GALNS: variants seen among roughly 807,000 people sequenced by gnomAD.
GALNS encodes N-acetylgalactosamine-6-sulfatase.
In GALNS, 65 loss-of-function variants were observed where a neutral mutation model predicts 65.9. That is an observed-to-expected ratio of 0.99 (90% CI 0.81 to 1.21). The LOEUF is 1.21. Among genes scored for constraint, GALNS ranks in the 50% most tolerant of loss-of-function variants. The pLI is 0.00. For missense variants in GALNS, 776 were observed against 700.7 expected, an observed-to-expected ratio of 1.11 and a Z score of -1.21; for synonymous variants, 346 against 288.9, an observed-to-expected ratio of 1.20 and a Z score of -2.00.
intron 1 of GALNS, among the ~76,000 whole-genome samples, chr16:88,853,834 C>T (rs765209756): frequency 6.6e-6 from 1 of 152,154 alleles, no homozygotes; most frequent in Non-Finnish European, 1.5e-5. Flanking sequence ...CCTTGCCCGG[C>T]TCAGCTCCCC....
intron 1 of GALNS, among the ~76,000 whole-genome samples, chr16:88,846,083 C>G: frequency 6.6e-6 from 1 of 152,164 alleles, no homozygotes; most frequent in East Asian, 1.9e-4. Context: ...CCCATTATGC[C>G]AATTTAAAAT....
chr16:88,850,814 C>T (rs192721530), intron 1 of GALNS, among the ~76,000 whole-genome samples: 13 of 152,364 alleles, frequency 8.5e-5, no homozygotes, highest in Non-Finnish European at 1.2e-4. Flanking sequence ...GCAGTGCGGC[C>T]GCCTCTGCCT....
At chr16:88,833,075 CTCAA>C (rs1911681752) in intron 8 of GALNS, among the ~76,000 whole-genome samples, 1 of 80,930 alleles carries the variant, frequency 1.2e-5, no homozygotes, top group East Asian at 4.9e-4. Context: ...GAGACTCCTT[CTCAA>C]AAAAAAAAAA....
chr16:88,828,801 T>C (rs776831084), intron 9 of GALNS, among the ~76,000 whole-genome samples: 49 of 152,196 alleles, frequency 3.2e-4, no homozygotes, highest in Non-Finnish European at 6.0e-4. Flanking sequence ...CGGGCGGCGC[T>C]GGGGTGGCTC....
Position 88,835,787 on chromosome 16 carries a change from G to A in GALNS, c.696C>T (p.Val232=), listed in dbSNP as rs763342919. 4.6e-5 allele frequency: 75 copies of A among 1,613,988 alleles called. No individual in the cohort carries two copies. Among genetic ancestry groups the A allele is most frequent in the Non-Finnish European group, 5.7e-5 (67 of 1,180,022 alleles). ...RHHPFFLYWA[V]DATHAPVYAS... is the part of the protein sequence containing the mutation. ...CATAGACGGGTGCGTGCGTGGCGTC[G>A]ACAGCCCAGTAGAGGAAAAAGGGGT... is the stretch of plus-strand genomic sequence containing the variant. The change falls in exon 7 of 14, where the codon GTC becomes GTT. Residue 232 remains valine, a synonymous_variant. Transcript: ENST00000268695.
At chr16:88,851,806 A>C (rs1967521180) in intron 1 of GALNS, among the ~76,000 whole-genome samples, 1 of 152,172 alleles carries the variant, frequency 6.6e-6, no homozygotes, top group Non-Finnish European at 1.5e-5. Context: ...CTGCCTGGGG[A>C]GGGGCGTCCG....
intron 13 of GALNS, chr16:88,816,559 C>G (rs1445330134): frequency 1.0e-6 from 1 of 972,780 alleles, no homozygotes; most frequent in Non-Finnish European, 1.2e-6. Flanking sequence ...CCTGCCCTGC[C>G]CAGTCCTAAA....
intron 1 of GALNS, 65 bp from the exon 2 acceptor site, chr16:88,842,894 T>C: frequency 6.3e-7 from 1 of 1,594,536 alleles, no homozygotes; most frequent in Non-Finnish European, 8.5e-7. Flanking sequence ...CCTGGGGAGC[T>C]GCCCATGGTG....
intron 9 of GALNS, among the ~76,000 whole-genome samples, chr16:88,829,187 G>A (rs1911235376): frequency 6.6e-6 from 1 of 152,146 alleles, no homozygotes; most frequent in Non-Finnish European, 1.5e-5. Context: ...CAGTTCCTGA[G>A]TCTCATGCCA....
At chr16:88,843,223 GC>G (rs1403911726) in intron 1 of GALNS, 1 of 1,308,392 alleles carries the variant, frequency 7.6e-7, no homozygotes, top group South Asian at 1.2e-5. Context: ...AAATACACAG[GC>G]CCTCGTATGT....
At chr16:88,815,374 CAAG>C in intron 13 of GALNS, 2 of 985,496 alleles carry the variant, frequency 2.0e-6, no homozygotes, top group Non-Finnish European at 2.4e-6. Flanking sequence ...TTCAGCCTCT[CAAG>C]AAGCCTTTCC....
At chr16:88,832,780 G>A (rs1347024050) in intron 8 of GALNS, among the ~76,000 whole-genome samples, 1 of 152,194 alleles carries the variant, frequency 6.6e-6, no homozygotes, top group East Asian at 1.9e-4. Context: ...AAACGAAGGG[G>A]CCGGCTGCGG....
At chr16:88,815,770 G>C (rs2142973384) in intron 13 of GALNS, 1 of 985,434 alleles carries the variant, frequency 1.0e-6, no homozygotes, top group South Asian at 4.7e-5. Context: ...TGCCCCCTTG[G>C]CCACCAGAGC....
intron 1 of GALNS, chr16:88,855,171 T>C (rs771225697): frequency 3.3e-5 from 22 of 659,114 alleles, no homozygotes; most frequent in Non-Finnish European, 5.5e-5. Context: ...ATAACCAAAA[T>C]ATTATTTCGA....
chr16:88,815,316 C>G, intron 13 of GALNS: 1 of 985,470 alleles, frequency 1.0e-6, no homozygotes. Context: ...GCGGTCCTCC[C>G]AGGAGGGCCC....
chr16:88,837,951 C>G, intron 4 of GALNS, 186 bp from the exon 5 acceptor site: 2 of 623,646 alleles, frequency 3.2e-6, no homozygotes, highest in Non-Finnish European at 5.7e-6. Context: ...GGTGCTGGCA[C>G]TGCCCGCCTA....
At chr16:88,841,227 C>T (rs1474957395) in intron 3 of GALNS, 133 bp from the exon 4 acceptor site, 4 of 745,080 alleles carry the variant, frequency 5.4e-6, no homozygotes, top group African/African-American at 3.5e-5. Context: ...AAGGCTGTGC[C>T]TGGGGGCTGC....
rs200763834 is a variant in GALNS at position 88,824,869 on chromosome 16, C to G, written c.1140G>C (p.Arg380Ser). 6.2e-7 allele frequency: 1 copy of G among 1,612,774 alleles called. No individual in the cohort carries two copies. The highest frequency in any genetic ancestry group is 1.1e-5 in the South Asian group (1 of 91,064). The change falls in exon 11 of 14, where the codon AGG becomes AGC. Residue 380 changes from arginine (R) to serine (S), a missense_variant and splice_region_variant. Transcript: ENST00000268695. ...TGTCGCCACGGTAATAGAAGATAGG[C>G]CTGTGGGATGGGAGGGGAGGACCAT... ...PTLLQGRLMD[R>S]PIFYYRGDTL...
chr16:88,855,924 A>G, intron 1 of GALNS: 1 of 547,186 alleles, frequency 1.8e-6, no homozygotes. Context: ...CCTCACACAC[A>G]ACGTGAGCAC....
Sources: allele counts gnomAD v4.1 joint callset (sites outside exome capture counted in the v4.1 genomes callset), GRCh38; gene constraint gnomAD v4.1.1; transcripts MANE v1.5; gene names NCBI Gene and HGNC (gene_info 2026-07-23, HGNC 2026-07-21).